The following NKAIN2 variants were observed in gnomAD, a reference collection of about 807,000 sequenced individuals.
The protein encoded by NKAIN2 is sodium/potassium transporting ATPase interacting 2, also known as sodium/potassium-transporting ATPase subunit beta-1-interacting protein 2.
In NKAIN2, 14 loss-of-function variants were observed where a neutral mutation model predicts 32.6. The observed-to-expected ratio is 0.43, with a 90% confidence interval of 0.28 to 0.67. The LOEUF is 0.67. Ranked by LOEUF, NKAIN2 falls within the 30% of genes least tolerant of loss-of-function variation. The pLI is 0.17. For missense variants in NKAIN2, 198 were observed against 258.3 expected (o/e 0.77, Z 1.60); for synonymous variants, 80 against 87.2 (o/e 0.92, Z 0.46).
intron 2 of NKAIN2, among the ~76,000 whole-genome samples, chr6:124,313,387 C>T (rs993332269): frequency 1.9e-4 from 29 of 152,198 alleles, no homozygotes; most frequent in Non-Finnish European, 4.1e-4. Context: ...GCATCTCAGG[C>T]AGGTCTCATA....
chr6:124,485,912 C>T (rs1253138160), intron 3 of NKAIN2, among the ~76,000 whole-genome samples: 2 of 152,162 alleles, frequency 1.3e-5, no homozygotes, highest in African/African-American at 4.8e-5. Flanking sequence ...TGACCAAGGT[C>T]AGGGTGATGA....
In NKAIN2 at chr6:123,923,654, A is replaced by C. The variant is rs561388694; in HGVS notation, c.54+119400A>C. Among the ~76,000 whole-genome samples, 246 of 151,764 alleles carry C rather than the reference A, an allele frequency of 1.6e-3. 1 individual carries two copies. The highest frequency in any genetic ancestry group is 5.6e-3 in the African/African-American group (232 of 41,386). On this transcript the variant is annotated intron_variant, in intron 1 of 6. Transcript: ENST00000368417. ...ATGTCCTTTGTAGGGACATGGATGAAATTGGAAACCATTATTCTCAGTAAA... is the reference window on the plus strand; with the variant it reads ...ATGTCCTTTGTAGGGACATGGATGACATTGGAAACCATTATTCTCAGTAAA...
chr6:124,015,713 G>A (rs1189580597), intron 1 of NKAIN2, among the ~76,000 whole-genome samples: 1 of 152,136 alleles, frequency 6.6e-6, no homozygotes, highest in Non-Finnish European at 1.5e-5. Flanking sequence ...TGATACGTAT[G>A]CTCATCAGTC....
intron 3 of NKAIN2, among the ~76,000 whole-genome samples, chr6:124,528,461 C>A (rs1779401096): frequency 6.6e-6 from 1 of 152,066 alleles, no homozygotes; most frequent in Non-Finnish European, 1.5e-5. Flanking sequence ...AAGTATTTGC[C>A]CACCTAATGC....
intron 1 of NKAIN2, among the ~76,000 whole-genome samples, chr6:124,273,626 C>A (rs1486000304): frequency 6.6e-6 from 1 of 152,098 alleles, no homozygotes; most frequent in Non-Finnish European, 1.5e-5. Context: ...ATTTGGGTTT[C>A]CACACCTCAC....
chr6:124,569,504 G>A (rs1781045592), intron 3 of NKAIN2, among the ~76,000 whole-genome samples: 1 of 152,128 alleles, frequency 6.6e-6, no homozygotes, highest in Admixed American at 6.5e-5. Flanking sequence ...TTGTGGGAGG[G>A]ACCCAGCGGG....
At chr6:123,876,883 A>T (rs948537651) in intron 1 of NKAIN2, among the ~76,000 whole-genome samples, 1 of 152,236 alleles carries the variant, frequency 6.6e-6, no homozygotes, top group African/African-American at 2.4e-5. Flanking sequence ...ACATAAAATT[A>T]ACTGTCATAA....
intron 3 of NKAIN2, among the ~76,000 whole-genome samples, chr6:124,430,926 G>A (rs1186419810): frequency 6.6e-6 from 1 of 152,114 alleles, no homozygotes; most frequent in African/African-American, 2.4e-5. Context: ...TTACTTGGGT[G>A]TCAGGAATTT....
intron 3 of NKAIN2, among the ~76,000 whole-genome samples, chr6:124,539,577 A>T (rs1300812314): frequency 6.6e-6 from 1 of 152,204 alleles, no homozygotes. Context: ...CTCGTTAAAA[A>T]CAAGTAAGAA....
intron 3 of NKAIN2, among the ~76,000 whole-genome samples, chr6:124,563,466 CT>C (rs1459365057): frequency 6.6e-6 from 1 of 152,184 alleles, no homozygotes; most frequent in Non-Finnish European, 1.5e-5. Flanking sequence ...CTTTGCGCCT[CT>C]TCTCAGATTG....
At chr6:124,517,951 A>G (rs1778976682) in intron 3 of NKAIN2, among the ~76,000 whole-genome samples, 1 of 152,158 alleles carries the variant, frequency 6.6e-6, no homozygotes, top group Non-Finnish European at 1.5e-5. Flanking sequence ...TACATTGACT[A>G]CACTTTTGCA....
intron 1 of NKAIN2, among the ~76,000 whole-genome samples, chr6:123,991,166 A>G (rs1779394042): frequency 6.6e-6 from 1 of 152,198 alleles, no homozygotes. Flanking sequence ...ACTTGAGCCA[A>G]TTTTTATCTG....
At chr6:124,312,584 G>T (rs1796767534) in intron 2 of NKAIN2, among the ~76,000 whole-genome samples, 1 of 152,178 alleles carries the variant, frequency 6.6e-6, no homozygotes, top group South Asian at 2.1e-4. Flanking sequence ...GGAGCACAGA[G>T]CTTCGGTGCC....
intron 1 of NKAIN2, among the ~76,000 whole-genome samples, chr6:123,961,829 A>T (rs1235481689): frequency 6.6e-6 from 1 of 152,178 alleles, no homozygotes; most frequent in East Asian, 1.9e-4. Context: ...GTGACTACAG[A>T]TTTGAATATT....
At chr6:124,396,429 A>T (rs1237573342) in intron 3 of NKAIN2, among the ~76,000 whole-genome samples, 5 of 107,266 alleles carry the variant, frequency 4.7e-5, no homozygotes, top group East Asian at 2.6e-4. Flanking sequence ...CTATTTGATT[A>T]AAAAAAAAAA....
chr6:124,309,151 A>G (rs1796621265), intron 2 of NKAIN2, among the ~76,000 whole-genome samples: 1 of 152,158 alleles, frequency 6.6e-6, no homozygotes, highest in South Asian at 2.1e-4. Flanking sequence ...TGTAACTTAT[A>G]GAAAGTGCAG....
intron 4 of NKAIN2, among the ~76,000 whole-genome samples, chr6:124,775,572 C>T (rs12215828): frequency 0.42 from 63,369 of 152,062 alleles, 14,565 homozygotes; most frequent in Non-Finnish European, 0.51. Flanking sequence ...CATTTTCCTT[C>T]AAAAACTCTT....
intron 1 of NKAIN2, among the ~76,000 whole-genome samples, chr6:124,113,085 G>A (rs1785457110): frequency 6.6e-6 from 1 of 151,706 alleles, no homozygotes; most frequent in Non-Finnish European, 1.5e-5. Context: ...CATTTTTCTT[G>A]ACTCTCTCTG....
intron 1 of NKAIN2, among the ~76,000 whole-genome samples, chr6:124,253,894 A>G (rs144405402): frequency 6.8e-6 from 1 of 146,848 alleles, no homozygotes; most frequent in African/African-American, 2.5e-5. Flanking sequence ...GTGTAGTTGC[A>G]TAAACCTCCA....
Sources: gnomAD v4.1 joint callset for allele counts (sites outside exome capture counted in the v4.1 genomes callset) on GRCh38, gnomAD v4.1.1 for gene constraint, MANE v1.5 for transcripts, NCBI Gene and HGNC (gene_info 2026-07-23, HGNC 2026-07-21) for gene names.